Variants in PDE7B observed in about 807,000 individuals in gnomAD.
PDE7B encodes phosphodiesterase 7B.
In PDE7B, 29 loss-of-function variants were observed where a neutral mutation model predicts 56.2. The observed-to-expected ratio is 0.52, with a 90% CI of 0.38 to 0.70. The LOEUF (loss-of-function observed/expected upper bound fraction) is 0.70. Among genes scored for constraint, PDE7B ranks in the 30% least tolerant of loss-of-function variants. The pLI is 0.00. For synonymous variants in PDE7B, 197 were observed against 196.9 expected, an observed-to-expected ratio of 1.00 and a Z score of 0.00; for missense variants, 490 against 565.0, an observed-to-expected ratio of 0.87 and a Z score of 1.35.
rs5880284 is a variant in PDE7B at position 136,154,416 on chromosome 6, CAAA to C, written c.579+256_579+258del. Reference sequence around the variant, plus strand: ...GTATATTTTTGAGGCTGTATTTGGACAAAAAAAAAAAAAAAAACTTCCTCTCTA... The same window carrying C: ...GTATATTTTTGAGGCTGTATTTGGACAAAAAAAAAAAAAACTTCCTCTCTA... On this transcript the variant is annotated intron_variant, in intron 7 of 12. Coordinates refer to ENST00000308191, the MANE Select transcript of PDE7B (RefSeq NM_018945.4). 4.1e-3 allele frequency among the ~76,000 whole-genome samples: 507 copies of C among 124,470 alleles called. 1 individual carries two copies. Among genetic ancestry groups the C allele is most frequent in the Non-Finnish European group, 5.4e-3 (295 of 54,440 alleles). 81.7% of individuals were successfully genotyped at this position (124,470 alleles called of 152,430 possible).
chr6:136,066,629 T>C (rs939745963), intron 2 of PDE7B, among the ~76,000 whole-genome samples: 28 of 152,294 alleles, frequency 1.8e-4, no homozygotes, highest in African/African-American at 6.5e-4. Context: ...AAAAATCCTT[T>C]TTAGGATTTT....
intron 1 of PDE7B, among the ~76,000 whole-genome samples, chr6:135,889,208 G>A (rs1338206141): frequency 1.3e-5 from 2 of 152,070 alleles, no homozygotes; most frequent in Non-Finnish European, 1.5e-5. Flanking sequence ...CTATGTTAGA[G>A]TATAGGTCTA....
rs533150784 is a variant in PDE7B, at chr6:136,168,888, G to T, written c.712-4909G>T. Among the ~76,000 whole-genome samples the T allele has an allele frequency of 2.0e-5, 3 of 152,046 alleles. No individual in the cohort carries two copies. In the South Asian group the frequency reaches 6.2e-4, roughly 32 times the overall value. On this transcript the variant is annotated intron_variant, in intron 8 of 12. Coordinates refer to ENST00000308191, the MANE Select transcript of PDE7B (RefSeq NM_018945.4). ...AGAACAATCAACCTTAGTTTTTTTTGAGCAACAACTATAGGTAATTTTGGC... is the reference window on the plus strand; with the variant it reads ...AGAACAATCAACCTTAGTTTTTTTTTAGCAACAACTATAGGTAATTTTGGC...
At chr6:136,181,699 C>T (rs1453203830) in intron 11 of PDE7B, among the ~76,000 whole-genome samples, 1 of 151,516 alleles carries the variant, frequency 6.6e-6, no homozygotes, top group Admixed American at 6.6e-5. Context: ...CATTTGAGGT[C>T]AATGTTTTCC....
At chr6:136,009,442 C>T (rs1000733394) in intron 2 of PDE7B, among the ~76,000 whole-genome samples, 46 of 152,064 alleles carry the variant, frequency 3.0e-4, no homozygotes, top group African/African-American at 1.1e-3. Context: ...GCCATTTTCA[C>T]GATATTGATT....
At chr6:136,084,695 G>A (rs191350398) in intron 2 of PDE7B, among the ~76,000 whole-genome samples, 2 of 152,296 alleles carry the variant, frequency 1.3e-5, no homozygotes, top group Admixed American at 6.5e-5. Context: ...ATTGCCAGAT[G>A]CCATCTCATA....
At chr6:136,096,923 T>C (rs1306698405) in intron 2 of PDE7B, among the ~76,000 whole-genome samples, 2 of 152,130 alleles carry the variant, frequency 1.3e-5, no homozygotes, top group Non-Finnish European at 2.9e-5. Context: ...CTAAATCCAA[T>C]GGACTTTGTT....
chr6:136,054,689 A>G (rs1776698213), intron 2 of PDE7B, among the ~76,000 whole-genome samples: 1 of 152,202 alleles, frequency 6.6e-6, no homozygotes, highest in Non-Finnish European at 1.5e-5. Flanking sequence ...ACCCATGAGC[A>G]TGGAATGTTC....
Position 135,923,860 on chromosome 6 carries a change from T to C in PDE7B, c.22-23604T>C, listed in dbSNP as rs1050412553. ...AGAAACTGTATGAAACAATTACTAT[T>C]ACCAACCAGTTGTTACCAAGAGTAG... On this transcript the variant is annotated intron_variant, in intron 1 of 12. Coordinates refer to ENST00000308191, the MANE Select transcript of PDE7B (RefSeq NM_018945.4). 2.0e-5 allele frequency among the ~76,000 whole-genome samples: 3 copies of C among 152,176 alleles called. No individual in the cohort carries two copies. In the South Asian group the frequency reaches 6.2e-4, roughly 31 times the overall value.
At chr6:136,083,395 C>T in intron 2 of PDE7B, among the ~76,000 whole-genome samples, 1 of 152,148 alleles carries the variant, frequency 6.6e-6, no homozygotes, top group Non-Finnish European at 1.5e-5. Flanking sequence ...CTACTTGCAT[C>T]TATGCCCACC....
chr6:135,987,330 A>G (rs1042927495), intron 2 of PDE7B, among the ~76,000 whole-genome samples: 5 of 152,150 alleles, frequency 3.3e-5, no homozygotes, highest in African/African-American at 1.2e-4. Context: ...AGTTGAGAGC[A>G]CCAACCCTCT....
intron 2 of PDE7B, among the ~76,000 whole-genome samples, chr6:136,081,123 G>T (rs1583870481): frequency 6.6e-6 from 1 of 152,292 alleles, no homozygotes; most frequent in East Asian, 1.9e-4. Context: ...ATTTCACCCT[G>T]AAGGTGATAC....
At position 136,154,127 on chromosome 6, in the gene PDE7B, C is replaced by T. The variant is rs1449395452; in HGVS notation, c.531C>T (p.His177=). The part of the protein sequence containing the change: ...HSQNPYHNAV[H]AADVTQAMHC... Reference sequence around the variant, plus strand: ...AAAACCCGTATCACAATGCTGTTCACGCAGCCGACGTCACCCAGGCCATGC... The same window carrying T: ...AAAACCCGTATCACAATGCTGTTCATGCAGCCGACGTCACCCAGGCCATGC... Residue 177 remains histidine (H), a synonymous_variant, in exon 7 of 13, where the codon CAC becomes CAT. Transcript: ENST00000308191. 2.1e-5 allele frequency: 34 copies of T among 1,613,764 alleles called. No individual in the cohort carries two copies. Among genetic ancestry groups the T allele is most frequent in the Middle Eastern group, 1.6e-4 (1 of 6,084 alleles).
At chr6:136,102,509 T>C (rs540471210) in intron 2 of PDE7B, among the ~76,000 whole-genome samples, 1 of 152,322 alleles carries the variant, frequency 6.6e-6, no homozygotes, top group African/African-American at 2.4e-5. Flanking sequence ...GTGTTTTCAT[T>C]ACTGAAGGCA....
At chr6:136,003,338 A>G (rs1775709448) in intron 2 of PDE7B, among the ~76,000 whole-genome samples, 1 of 151,746 alleles carries the variant, frequency 6.6e-6, no homozygotes, top group Non-Finnish European at 1.5e-5. Flanking sequence ...AGAAGGCAAG[A>G]AATAACTAAA....
chr6:136,053,608 G>A (rs907715672), intron 2 of PDE7B, among the ~76,000 whole-genome samples: 2 of 152,126 alleles, frequency 1.3e-5, no homozygotes, highest in Non-Finnish European at 2.9e-5. Flanking sequence ...GGTAATTCTA[G>A]TTCTAGATCC....
At chr6:135,935,188 A>ATATATATATATATT (rs1562445427) in intron 1 of PDE7B, among the ~76,000 whole-genome samples, 410 of 27,722 alleles carry the variant, frequency 0.015, 51 homozygotes, top group East Asian at 0.14. Flanking sequence ...ATATATATTT[A>ATATATATATATATT]TTTATATATA....
chr6:135,962,832 C>G (rs1467678371), intron 2 of PDE7B, among the ~76,000 whole-genome samples: 1 of 152,132 alleles, frequency 6.6e-6, no homozygotes, highest in African/African-American at 2.4e-5. Context: ...GATCAGCCAT[C>G]CTTTTGCAGA....
chr6:136,090,670 C>G (rs1386333849), intron 2 of PDE7B, among the ~76,000 whole-genome samples: 1 of 152,166 alleles, frequency 6.6e-6, no homozygotes, highest in Admixed American at 6.5e-5. Flanking sequence ...CAGTTACCCT[C>G]TTAGTTTGAA....
Sources: gnomAD v4.1 joint callset for allele counts (sites outside exome capture counted in the v4.1 genomes callset) on GRCh38, gnomAD v4.1.1 for gene constraint, MANE v1.5 for transcripts, NCBI Gene and HGNC (gene_info 2026-07-23, HGNC 2026-07-21) for gene names.